Variants in HTR2C observed in about 807,000 individuals in gnomAD.
The protein encoded by HTR2C is 5-hydroxytryptamine (serotonin) receptor 2C, G protein-coupled.
In HTR2C, 5 loss-of-function variants were observed where a neutral mutation model predicts 21.0. The ratio of observed to expected loss-of-function variants is 0.24; its 90% CI spans 0.12 to 0.50. HTR2C has a LOEUF of 0.50. HTR2C is among the 20% of genes least tolerant of loss of function. The probability of loss-of-function intolerance (pLI) is 0.98; values close to 1 mark genes in which losing one functional copy is unlikely to be tolerated. For synonymous variants in HTR2C, 150 were observed against 145.3 expected (o/e 1.03, Z -0.23); for missense variants, 271 against 371.2 (o/e 0.73, Z 2.22).
intron 4 of HTR2C, among the ~76,000 whole-genome samples, chrX:114,798,460 T>C (rs1467016498): frequency 8.9e-6 from 1 of 111,777 alleles, no homozygotes; most frequent in Non-Finnish European, 1.9e-5. Flanking sequence ...CATGTAATTA[T>C]TGATTTTCCC....
chrX:114,647,536 A>G (rs782050717), intron 2 of HTR2C, among the ~76,000 whole-genome samples: 7 of 112,376 alleles, frequency 6.2e-5, no homozygotes, highest in Non-Finnish European at 9.4e-5. Flanking sequence ...TCTGTTTACT[A>G]TATGCCTACT....
chrX:114,764,212 A>G (rs2069912284), intron 4 of HTR2C, among the ~76,000 whole-genome samples: 1 of 110,538 alleles, frequency 9.0e-6, no homozygotes, highest in Admixed American at 9.7e-5. Context: ...CAGCCTGACC[A>G]ACATGAAGAA....
At chrX:114,669,092 G>A (rs1235321157) in intron 2 of HTR2C, among the ~76,000 whole-genome samples, 1 of 105,415 alleles carries the variant, frequency 9.5e-6, no homozygotes, top group Admixed American at 1.0e-4. Context: ...ACTTGTGTCA[G>A]TTTTTTTTTT....
Position 114,807,035 on chromosome X carries a change from CACCATATATAT to C in HTR2C, c.350-40957_350-40947del, listed in dbSNP as rs1287109942. The stretch of plus-strand genomic sequence containing the variant: ...ACATATATACCATATATACCATATA[CACCATATATAT>C]ACCATATATACACCATATATATACC... On this transcript the variant is annotated intron_variant, in intron 4 of 5. Transcript: ENST00000276198. Among the ~76,000 whole-genome samples the C allele has an allele frequency of 2.0e-3, 65 of 32,533 alleles. 13 individuals are homozygous for C. Among genetic ancestry groups the C allele is most frequent in the African/African-American group, 3.9e-3 (61 of 15,819 alleles). 28.3% of individuals were successfully genotyped at this position (32,533 alleles called of 115,157 possible).
At chrX:114,710,426 A>T (rs1932874362) in intron 2 of HTR2C, among the ~76,000 whole-genome samples, 1 of 56,847 alleles carries the variant, frequency 1.8e-5, no homozygotes, top group South Asian at 1.5e-3. Flanking sequence ...ACAATAAGAG[A>T]TAGTGATGAG....
At chrX:114,860,970 T>C (rs1362417866) in intron 5 of HTR2C, among the ~76,000 whole-genome samples, 1 of 111,598 alleles carries the variant, frequency 9.0e-6, no homozygotes, top group African/African-American at 3.2e-5. Flanking sequence ...TACATAGAGA[T>C]AGTAAAAAGG....
chrX:114,839,627 C>T (rs1313067369), intron 4 of HTR2C, among the ~76,000 whole-genome samples: 1 of 111,016 alleles, frequency 9.0e-6, no homozygotes, highest in Non-Finnish European at 1.9e-5. Flanking sequence ...GTGGAGATTG[C>T]AGTGAGCTGA....
chrX:114,663,733 C>T (rs1036707649), intron 2 of HTR2C, among the ~76,000 whole-genome samples: 18 of 111,402 alleles, frequency 1.6e-4, no homozygotes, highest in African/African-American at 5.5e-4. Flanking sequence ...TGCCCTTTCT[C>T]CAGAGGTAGT....
chrX:114,626,953 A>G (rs1929401546), intron 2 of HTR2C, among the ~76,000 whole-genome samples: 1 of 111,805 alleles, frequency 8.9e-6, no homozygotes, highest in African/African-American at 3.2e-5. Context: ...ATACAGATTC[A>G]GTGTCTCTGA....
chrX:114,692,031 CAGG>C lies in HTR2C; in HGVS notation c.-79-34824_-79-34822del, dbSNP rs1165923048. Among the ~76,000 whole-genome samples, 83 of 111,654 alleles carry C rather than the reference CAGG, an allele frequency of 7.4e-4. 1 individual carries two copies. The highest frequency in any genetic ancestry group is 2.6e-3 in the African/African-American group (81 of 30,812). ...ATTTTCATAGAGAAAGTATTCCTCT[CAGG>C]AGAAGTGACTATCAATTTTTCTCTT... On this transcript the variant is annotated intron_variant, in intron 2 of 5. Coordinates refer to ENST00000276198, the MANE Select transcript of HTR2C (RefSeq NM_000868.4).
At chrX:114,710,233 G>A (rs782599503) in intron 2 of HTR2C, among the ~76,000 whole-genome samples, 28 of 111,313 alleles carry the variant, frequency 2.5e-4, no homozygotes, top group African/African-American at 9.1e-4. Flanking sequence ...CATACCAACC[G>A]AGGCAACATA....
At chrX:114,811,780 G>A (rs1556452792) in intron 4 of HTR2C, among the ~76,000 whole-genome samples, 1 of 112,021 alleles carries the variant, frequency 8.9e-6, no homozygotes, top group African/African-American at 3.2e-5. Context: ...CTTCTGATGA[G>A]CTACTATCTG....
chrX:114,840,135 C>T (rs1406322050), intron 4 of HTR2C, among the ~76,000 whole-genome samples: 3 of 110,490 alleles, frequency 2.7e-5, no homozygotes, highest in African/African-American at 9.9e-5. Context: ...AAAGACAACT[C>T]ATTCACACAC....
intron 4 of HTR2C, among the ~76,000 whole-genome samples, chrX:114,785,238 A>G (rs1005386884): frequency 6.3e-5 from 7 of 111,807 alleles, no homozygotes; most frequent in African/African-American, 2.3e-4. Flanking sequence ...AATCTTATAT[A>G]AAGCATTACA....
intron 2 of HTR2C, among the ~76,000 whole-genome samples, chrX:114,653,908 C>CT (rs1556408916): frequency 9.0e-6 from 1 of 110,714 alleles, no homozygotes; most frequent in Non-Finnish European, 1.9e-5. Flanking sequence ...ATGTGGTCAG[C>CT]TTTTATTTTA....
At chrX:114,883,826 C>T (rs923266794) in intron 5 of HTR2C, among the ~76,000 whole-genome samples, 26 of 110,060 alleles carry the variant, frequency 2.4e-4, no homozygotes, top group South Asian at 1.5e-3. Context: ...TTCAAGTATA[C>T]GATACATTGC....
At chrX:114,825,924 G>A (rs1556458231) in intron 4 of HTR2C, among the ~76,000 whole-genome samples, 2 of 111,005 alleles carry the variant, frequency 1.8e-5, no homozygotes, top group East Asian at 2.8e-4. Flanking sequence ...GGTGATATCC[G>A]ATGATCTGCA....
At position 114,668,191 on chromosome X, in the gene HTR2C, C is replaced by T. The variant is rs141846294; in HGVS notation, c.-80+54310C>T. Among the ~76,000 whole-genome samples the T allele has an allele frequency of 2.5e-4, 28 of 111,764 alleles. No homozygotes were observed. In the East Asian group the frequency reaches 7.6e-3, roughly 30 times the overall value. On this transcript the variant is annotated intron_variant, in intron 2 of 5. Coordinates refer to ENST00000276198, the MANE Select transcript of HTR2C (RefSeq NM_000868.4). ...TCCTGCCACTTTTTCTTTCTTAGCA[C>T]GTCTTCCTTTGTAGACTATATTGTT...
intron 5 of HTR2C, among the ~76,000 whole-genome samples, chrX:114,870,286 T>A (rs2071081722): frequency 9.1e-6 from 1 of 110,220 alleles, no homozygotes; most frequent in Non-Finnish European, 1.9e-5. Context: ...TTTGCCATGT[T>A]GGCCAGGCTG....
Sources: gnomAD v4.1 joint callset for allele counts (sites outside exome capture counted in the v4.1 genomes callset) on GRCh38, gnomAD v4.1.1 for gene constraint, MANE v1.5 for transcripts, NCBI Gene and HGNC (gene_info 2026-07-23, HGNC 2026-07-21) for gene names.